SUMF1: variants seen among roughly 807,000 people sequenced by gnomAD.
SUMF1 encodes formylglycine-generating enzyme.
SUMF1 carries 48 observed loss-of-function variants against 47.6 expected under a neutral mutation model. The ratio of observed to expected loss-of-function variants is 1.01; its 90% CI spans 0.80 to 1.28. The LOEUF (loss-of-function observed/expected upper bound fraction) is 1.28, where lower values mean the gene tolerates loss of function less well. Ranked by LOEUF, SUMF1 falls within the 50% of genes most tolerant of loss-of-function variation. The pLI, the probability that SUMF1 is intolerant of heterozygous loss-of-function variation, is 0.00. For missense variants in SUMF1, 571 were observed against 485.4 expected (o/e 1.18, Z -1.66); for synonymous variants, 230 against 192.1 (o/e 1.20, Z -1.63).
In SUMF1 at chr3:4,453,029, T is replaced by A. The variant is rs372920331; in HGVS notation, c.291A>T (p.Gly97=). ...AHSKMVPIPA[G]VFTMGTDDPQ... ...GATCATCTGTGCCCATTGTAAATACTCCAGCAGGGATGGGGACCATCTACA... is the reference window on the plus strand; with the variant it reads ...GATCATCTGTGCCCATTGTAAATACACCAGCAGGGATGGGGACCATCTACA... The change falls in exon 2 of 9, where the codon GGA becomes GGT. Residue 97 remains glycine (G), a synonymous_variant. Coordinates refer to ENST00000272902, the MANE Select transcript of SUMF1 (RefSeq NM_182760.4). 6.2e-7 allele frequency: 1 copy of A among 1,613,766 alleles called. No homozygotes were observed. The highest frequency in any genetic ancestry group is 8.5e-7 in the Non-Finnish European group (1 of 1,180,002).
chr3:4,227,128 A>G (rs1307569126), intron 8 of SUMF1, among the ~76,000 whole-genome samples: 1 of 152,088 alleles, frequency 6.6e-6, no homozygotes, highest in Non-Finnish European at 1.5e-5. Context: ...CAAATGGCCA[A>G]GTTCTCCAAG....
intron 8 of SUMF1, among the ~76,000 whole-genome samples, chr3:4,126,567 G>C (rs1373341): frequency 0.33 from 50,305 of 151,836 alleles, 8,870 homozygotes; most frequent in Middle Eastern, 0.41. Context: ...GTTAGAAGCA[G>C]AAGTTCCCTT....
intron 3 of SUMF1, among the ~76,000 whole-genome samples, chr3:4,436,906 C>CTGACTT (rs572987745): frequency 7.2e-4 from 108 of 149,672 alleles, no homozygotes; most frequent in Non-Finnish European, 1.1e-3. Flanking sequence ...TGACTAATGA[C>CTGACTT]TGACTTCTTA....
intron 8 of SUMF1, among the ~76,000 whole-genome samples, chr3:4,087,584 T>A (rs1219367635): frequency 1.3e-5 from 2 of 152,092 alleles, no homozygotes; most frequent in East Asian, 1.9e-4. Flanking sequence ...AAGAATCACA[T>A]TGTTTTAAAG....
chr3:4,360,551 T>G (rs1699726911), downstream of SUMF1, among the ~76,000 whole-genome samples: 1 of 152,094 alleles, frequency 6.6e-6, no homozygotes, highest in Non-Finnish European at 1.5e-5. Flanking sequence ...CAAGCTAATC[T>G]CGAACTCCTG....
intron 9 of SUMF1, among the ~76,000 whole-genome samples, chr3:4,063,064 A>G: frequency 6.6e-6 from 1 of 152,178 alleles, no homozygotes; most frequent in Admixed American, 6.6e-5. Context: ...TTTAAAAAGG[A>G]AACAAGCATT....
intron 8 of SUMF1, among the ~76,000 whole-genome samples, chr3:4,343,328 C>T (rs961995644): frequency 3.3e-5 from 5 of 152,208 alleles, no homozygotes; most frequent in Admixed American, 6.5e-5. Context: ...GATCACCAAA[C>T]CACAGGGATA....
At chr3:4,366,838 C>T (rs1699979017) in intron 8 of SUMF1, among the ~76,000 whole-genome samples, 1 of 151,994 alleles carries the variant, frequency 6.6e-6, no homozygotes, top group Non-Finnish European at 1.5e-5. Flanking sequence ...TTTTCCCCAT[C>T]TTTGGGGTTT....
At chr3:4,082,575 C>T (rs945537567) in intron 8 of SUMF1, among the ~76,000 whole-genome samples, 3 of 151,702 alleles carry the variant, frequency 2.0e-5, no homozygotes, top group African/African-American at 7.3e-5. Flanking sequence ...TGGCAACAAC[C>T]AAAGGTCTGA....
intron 7 of SUMF1, among the ~76,000 whole-genome samples, chr3:4,387,169 T>C (rs540978307): frequency 6.6e-6 from 1 of 152,070 alleles, no homozygotes; most frequent in South Asian, 2.1e-4. Flanking sequence ...GTAGAATTGG[T>C]GTTGATTCTT....
chr3:4,210,532 G>T (rs1441316381), intron 8 of SUMF1, among the ~76,000 whole-genome samples: 5 of 152,122 alleles, frequency 3.3e-5, no homozygotes, highest in Admixed American at 2.6e-4. Context: ...CCCTTTCCCA[G>T]TCCCCATAAA....
intron 9 of SUMF1, among the ~76,000 whole-genome samples, chr3:4,057,881 C>T (rs1410687309): frequency 2.6e-5 from 4 of 151,918 alleles, no homozygotes; most frequent in Non-Finnish European, 5.9e-5. Flanking sequence ...GAGTTGGAAC[C>T]CTATGGCTTC....
At chr3:4,356,285 G>T (rs973389521), downstream of SUMF1, among the ~76,000 whole-genome samples, 15 of 152,198 alleles carry the variant, frequency 9.9e-5, no homozygotes, top group African/African-American at 3.6e-4. Flanking sequence ...TAAATCAACA[G>T]TCAATAAATT....
intron 7 of SUMF1, among the ~76,000 whole-genome samples, chr3:4,379,912 A>G (rs905116042): frequency 6.6e-6 from 1 of 151,998 alleles, no homozygotes; most frequent in African/African-American, 2.4e-5. Flanking sequence ...AGATTAATCC[A>G]GAGAGTTGGG....
At chr3:4,152,205 C>T (rs1694351917) in intron 8 of SUMF1, among the ~76,000 whole-genome samples, 1 of 151,588 alleles carries the variant, frequency 6.6e-6, no homozygotes, top group Non-Finnish European at 1.5e-5. Context: ...AGAAATTTGC[C>T]TGGCACAAAG....
At chr3:4,276,060 G>C (rs1383004397) in intron 8 of SUMF1, among the ~76,000 whole-genome samples, 1 of 152,118 alleles carries the variant, frequency 6.6e-6, no homozygotes. Flanking sequence ...GTGGTTCCAA[G>C]TTCATGAGTT....
At chr3:4,073,083 G>A (rs865973199) in intron 8 of SUMF1, among the ~76,000 whole-genome samples, 15 of 152,312 alleles carry the variant, frequency 9.8e-5, no homozygotes, top group Middle Eastern at 3.4e-3. Context: ...GGCAGCCAGA[G>A]AGAAACGTTG....
chr3:4,253,447 T>C (rs1261507877), intron 8 of SUMF1, among the ~76,000 whole-genome samples: 3 of 152,140 alleles, frequency 2.0e-5, no homozygotes, highest in East Asian at 1.9e-4. Flanking sequence ...TTGCCTCACC[T>C]GGGAAGCACA....
intron 8 of SUMF1, among the ~76,000 whole-genome samples, chr3:4,301,300 T>C (rs1488885836): frequency 6.6e-6 from 1 of 150,906 alleles, no homozygotes; most frequent in Non-Finnish European, 1.5e-5. Context: ...GAACAAGGGG[T>C]TCCAACAGAG....
Sources: allele counts gnomAD v4.1 joint callset (sites outside exome capture counted in the v4.1 genomes callset), GRCh38; gene constraint gnomAD v4.1.1; transcripts MANE v1.5; gene names NCBI Gene and HGNC (gene_info 2026-07-23, HGNC 2026-07-21).